Variants in KLF8 observed in about 807,000 individuals in gnomAD.
The protein encoded by KLF8 is Krueppel-like factor 8.
Under a neutral mutation model 18.2 loss-of-function variants are expected in KLF8, and 10 were observed. That is an observed-to-expected ratio of 0.55 (90% CI 0.34 to 0.93). KLF8 has a LOEUF of 0.93. KLF8 is among the 40% of genes least tolerant of loss of function. The probability of loss-of-function intolerance (pLI) is 0.02; values close to 1 mark genes in which losing one functional copy is unlikely to be tolerated. For missense variants in KLF8, 264 were observed against 277.9 expected (o/e 0.95, Z 0.36); for synonymous variants, 109 against 97.3 (o/e 1.12, Z -0.71).
At chrX:56,178,088 G>T in the KLF8 span, among the ~76,000 whole-genome samples, 1 of 111,676 alleles carries the variant, frequency 9.0e-6, no homozygotes, top group Non-Finnish European at 1.9e-5. Flanking sequence ...GCTCACACTG[G>T]GTGCACTGCA....
At chrX:56,101,298 T>C in the KLF8 span, among the ~76,000 whole-genome samples, 3 of 111,717 alleles carry the variant, frequency 2.7e-5, no homozygotes, top group Middle Eastern at 8.4e-3. Flanking sequence ...AAGGACATGA[T>C]TTTATTCTTT....
chrX:55,994,907 T>C, the KLF8 span, among the ~76,000 whole-genome samples: 1 of 112,144 alleles, frequency 8.9e-6, no homozygotes, highest in South Asian at 3.7e-4. Context: ...TAGTCCAGTG[T>C]TCTGCTGAAG....
the KLF8 span, among the ~76,000 whole-genome samples, chrX:56,175,097 T>A: frequency 9.0e-6 from 1 of 111,717 alleles, no homozygotes; most frequent in South Asian, 3.8e-4. Flanking sequence ...TCTATTTCCT[T>A]CAGTTCTGCT....
the KLF8 span, among the ~76,000 whole-genome samples, chrX:56,173,037 C>T: frequency 9.0e-6 from 1 of 111,086 alleles, no homozygotes; most frequent in East Asian, 2.8e-4. Flanking sequence ...AATTTTCTCC[C>T]ATTCTGTAGG....
rs79666711 is a variant in KLF8, at chrX:56,277,047, C to T, written c.898+6726C>T. On this transcript the variant is annotated intron_variant, in intron 5 of 5. Coordinates refer to ENST00000468660, the MANE Select transcript of KLF8 (RefSeq NM_007250.5). ...TTGTTTCAATCTCTTAGTTAACTTACGGGATTCTGAATTCCTTCTCTGTAT... is the reference window on the plus strand; with the variant it reads ...TTGTTTCAATCTCTTAGTTAACTTATGGGATTCTGAATTCCTTCTCTGTAT... 1.1e-4 allele frequency among the ~76,000 whole-genome samples: 12 copies of T among 111,704 alleles called. No individual in the cohort carries two copies. The South Asian group carries it at 1.5e-3, about 14-fold the overall frequency.
At chrX:56,221,992 G>A in the KLF8 span, among the ~76,000 whole-genome samples, 10 of 110,836 alleles carry the variant, frequency 9.0e-5, no homozygotes, top group African/African-American at 2.0e-4. Context: ...TGATTGGTGC[G>A]TTTACAATCC....
chrX:56,029,953 C>A, the KLF8 span, among the ~76,000 whole-genome samples: 2 of 111,986 alleles, frequency 1.8e-5, no homozygotes, highest in African/African-American at 6.5e-5. Context: ...CCAGTAACTG[C>A]GAGATATTCA....
chrX:56,199,136 C>G, the KLF8 span, among the ~76,000 whole-genome samples: 2 of 112,027 alleles, frequency 1.8e-5, no homozygotes, highest in Non-Finnish European at 3.8e-5. Flanking sequence ...CATAAAAACC[C>G]TAGAAGAAAA....
chrX:56,185,411 A>C, the KLF8 span, among the ~76,000 whole-genome samples: 4 of 112,372 alleles, frequency 3.6e-5, no homozygotes, highest in Non-Finnish European at 1.9e-5. Flanking sequence ...GTGTACCTGA[A>C]AGTGACGGGG....
At chrX:55,991,867 T>G in the KLF8 span, among the ~76,000 whole-genome samples, 1 of 112,769 alleles carries the variant, frequency 8.9e-6, no homozygotes, top group Non-Finnish European at 1.9e-5. Context: ...ATGCTTAGTA[T>G]TTTTTCATAT....
chrX:55,963,421 T>C, the KLF8 span, among the ~76,000 whole-genome samples: 1 of 111,568 alleles, frequency 9.0e-6, no homozygotes, highest in African/African-American at 3.3e-5. Context: ...GGAAATAGGA[T>C]ATTCTAGGCT....
the KLF8 span, among the ~76,000 whole-genome samples, chrX:56,037,770 G>T: frequency 1.8e-5 from 2 of 111,112 alleles, no homozygotes; most frequent in Admixed American, 9.6e-5. Flanking sequence ...ACATCAAGGA[G>T]AATGGAGTAT....
chrX:55,978,325 T>C, the KLF8 span, among the ~76,000 whole-genome samples: 12 of 111,841 alleles, frequency 1.1e-4, no homozygotes, highest in South Asian at 4.1e-3. Flanking sequence ...TACAGACATA[T>C]GTACAAGTTG....
the KLF8 span, among the ~76,000 whole-genome samples, chrX:56,088,967 A>G: frequency 8.9e-6 from 1 of 111,759 alleles, no homozygotes; most frequent in Admixed American, 9.5e-5. Flanking sequence ...GAACACAATC[A>G]AAGAAAAAAG....
At chrX:55,996,827 A>T in the KLF8 span, among the ~76,000 whole-genome samples, 7 of 111,760 alleles carry the variant, frequency 6.3e-5, no homozygotes, top group South Asian at 2.6e-3. Context: ...GCAGCATGGT[A>T]CTCACATCTG....
At chrX:55,967,749 C>T in the KLF8 span, among the ~76,000 whole-genome samples, 1 of 111,597 alleles carries the variant, frequency 9.0e-6, no homozygotes, top group Non-Finnish European at 1.9e-5. Context: ...TTGTAAACTA[C>T]ACTTACCTTA....
chrX:56,278,664 T>TCCAG (rs2067155792), intron 5 of KLF8, among the ~76,000 whole-genome samples: 1 of 111,379 alleles, frequency 9.0e-6, no homozygotes, highest in African/African-American at 3.3e-5. Context: ...CCAGCTGATA[T>TCCAG]CTTAATATAT....
At chrX:55,976,786 T>A in the KLF8 span, among the ~76,000 whole-genome samples, 1 of 111,908 alleles carries the variant, frequency 8.9e-6, no homozygotes, top group East Asian at 2.8e-4. Flanking sequence ...TTCCATTTAT[T>A]TGTGTCATCT....
the KLF8 span, among the ~76,000 whole-genome samples, chrX:56,221,539 T>G: frequency 9.0e-6 from 1 of 111,228 alleles, no homozygotes; most frequent in Non-Finnish European, 1.9e-5. Flanking sequence ...TGTCAGGAGT[T>G]TGTTCCTTCT....
Sources: gnomAD v4.1 joint callset for allele counts (sites outside exome capture counted in the v4.1 genomes callset) on GRCh38, gnomAD v4.1.1 for gene constraint, MANE v1.5 for transcripts, NCBI Gene and HGNC (gene_info 2026-07-23, HGNC 2026-07-21) for gene names.